Variants in SORCS2 observed in about 807,000 individuals in gnomAD.
The protein encoded by SORCS2 is VPS10 domain-containing receptor SorCS2.
SORCS2 carries 100 observed loss-of-function variants against 141.6 expected under a neutral mutation model. The ratio of observed to expected loss-of-function variants is 0.71; its 90% CI spans 0.60 to 0.83. SORCS2 has a LOEUF of 0.83. Ranked by LOEUF, SORCS2 falls within the 40% of genes least tolerant of loss-of-function variation. The pLI, the probability that SORCS2 is intolerant of heterozygous loss-of-function variation, is 0.00. For synonymous variants in SORCS2, 789 were observed against 676.9 expected (o/e 1.17, Z -2.57); for missense variants, 1,646 against 1,560.2 (o/e 1.05, Z -0.93).
intron 3 of SORCS2, among the ~76,000 whole-genome samples, chr4:7,606,354 A>G (rs1718062999): frequency 6.6e-6 from 1 of 152,092 alleles, no homozygotes; most frequent in African/African-American, 2.4e-5. Flanking sequence ...TTAAATACTT[A>G]TTCAACGATC....
At chr4:7,655,627 G>C (rs1011631804) in intron 5 of SORCS2, among the ~76,000 whole-genome samples, 12 of 152,242 alleles carry the variant, frequency 7.9e-5, no homozygotes, top group African/African-American at 2.9e-4. Context: ...ACGGCCGTCT[G>C]TCTGCGGATT....
chr4:7,439,254 C>T lies in SORCS2; in HGVS notation c.548+42899C>T, dbSNP rs1007822264. Among the ~76,000 whole-genome samples, 7 of 152,180 alleles carry T rather than the reference C, an allele frequency of 4.6e-5. No homozygotes were observed. In the South Asian group the frequency reaches 6.2e-4, roughly 14 times the overall value. ...TCATCCATCCATCTTCACAAGACTA[C>T]GAGTTCATACTGATACTTCCAACAC... On this transcript the variant is annotated intron_variant, in intron 2 of 26. Coordinates refer to ENST00000507866, the MANE Select transcript of SORCS2 (RefSeq NM_020777.3).
At chr4:7,470,137 A>G (rs1181496123) in intron 2 of SORCS2, among the ~76,000 whole-genome samples, 33 of 152,120 alleles carry the variant, frequency 2.2e-4, no homozygotes, top group Non-Finnish European at 1.5e-5. Flanking sequence ...GTCCAGGGTC[A>G]AACAGTGAGT....
intron 14 of SORCS2, among the ~76,000 whole-genome samples, chr4:7,707,679 C>T (rs1023905779): frequency 6.6e-6 from 1 of 152,224 alleles, no homozygotes; most frequent in Non-Finnish European, 1.5e-5. Flanking sequence ...ACTGGTTCTG[C>T]TGGCTTCACT....
chr4:7,544,002 A>ATCCACCCGTCCG (rs1560374030), intron 3 of SORCS2, among the ~76,000 whole-genome samples: 12 of 124,652 alleles, frequency 9.6e-5, no homozygotes, highest in East Asian at 4.9e-4. Context: ...CCACTCATCC[A>ATCCACCCGTCCG]TCCATCCATC....
intron 5 of SORCS2, among the ~76,000 whole-genome samples, chr4:7,654,756 C>T (rs534196677): frequency 6.6e-6 from 1 of 152,326 alleles, no homozygotes; most frequent in Admixed American, 6.5e-5. Context: ...CTACTGGGTG[C>T]CAATGAGCAG....
At chr4:7,419,266 A>G (rs1725888064) in intron 2 of SORCS2, among the ~76,000 whole-genome samples, 1 of 152,196 alleles carries the variant, frequency 6.6e-6, no homozygotes, top group Non-Finnish European at 1.5e-5. Context: ...GGAGACAGGC[A>G]GTTCCATAGG....
intron 1 of SORCS2, among the ~76,000 whole-genome samples, chr4:7,267,601 C>T (rs1467515213): frequency 6.6e-6 from 1 of 152,186 alleles, no homozygotes; most frequent in Non-Finnish European, 1.5e-5. Context: ...GAGGCTGAGG[C>T]AGGCAGATCA....
intron 3 of SORCS2, among the ~76,000 whole-genome samples, chr4:7,595,841 G>A (rs1717239602): frequency 6.6e-6 from 1 of 152,132 alleles, no homozygotes; most frequent in Non-Finnish European, 1.5e-5. Flanking sequence ...TAGGCACCAG[G>A]CACCGTCACC....
chr4:7,339,314 C>A (rs138343511), intron 1 of SORCS2, among the ~76,000 whole-genome samples: 2 of 152,330 alleles, frequency 1.3e-5, no homozygotes, highest in East Asian at 3.9e-4. Context: ...AGGATGTGCA[C>A]AGGAAGGAGG....
At chr4:7,501,583 G>A (rs2109431043) in intron 2 of SORCS2, among the ~76,000 whole-genome samples, 1 of 152,314 alleles carries the variant, frequency 6.6e-6, no homozygotes, top group South Asian at 2.1e-4. Flanking sequence ...ACATCAAACT[G>A]AACCCTGGCA....
intron 2 of SORCS2, among the ~76,000 whole-genome samples, chr4:7,417,762 T>C (rs1396864745): frequency 6.6e-6 from 1 of 152,164 alleles, no homozygotes; most frequent in Non-Finnish European, 1.5e-5. Context: ...CTGCAGAAGA[T>C]GCAGAGAGCT....
At chr4:7,401,202 TATGG>T (rs1375886797) in intron 2 of SORCS2, among the ~76,000 whole-genome samples, 1 of 127,378 alleles carries the variant, frequency 7.9e-6, no homozygotes, top group Non-Finnish European at 1.7e-5. Context: ...TAGATGGATA[TATGG>T]ATGGATGGGT....
intron 23 of SORCS2, among the ~76,000 whole-genome samples, chr4:7,733,066 C>A (rs1368960387): frequency 4.0e-5 from 6 of 149,252 alleles, no homozygotes; most frequent in East Asian, 2.0e-4. Context: ...TCCCAGCAGA[C>A]CTTGCTCCCC....
chr4:7,694,224 C>A (rs11730556), intron 11 of SORCS2, among the ~76,000 whole-genome samples: 3,591 of 152,016 alleles, frequency 0.024, 147 homozygotes, highest in African/African-American at 0.082. Context: ...GGCAGGGGTC[C>A]TGGGCCTGAG....
At chr4:7,546,385 G>A (rs2109613322) in intron 3 of SORCS2, among the ~76,000 whole-genome samples, 1 of 152,272 alleles carries the variant, frequency 6.6e-6, no homozygotes, top group South Asian at 2.1e-4. Context: ...GAGGCCTGCT[G>A]TGGGAGGGCT....
At position 7,274,982 on chromosome 4, in the gene SORCS2, A is replaced by G. The variant is rs115720265; in HGVS notation, c.480+81856A>G. 2.1e-3 allele frequency among the ~76,000 whole-genome samples: 319 copies of G among 152,286 alleles called. 1 individual carries two copies. The highest frequency in any genetic ancestry group is 7.3e-3 in the African/African-American group (304 of 41,554). The stretch of plus-strand genomic sequence containing the variant: ...TGGGGTTGTCCGTGTGTTTAACAAG[A>G]TGATGGGTGTATCAGCACCTGGGCT... On this transcript the variant is annotated intron_variant, in intron 1 of 26. Coordinates refer to ENST00000507866, the MANE Select transcript of SORCS2 (RefSeq NM_020777.3).
At chr4:7,472,122 C>T (rs1730015080) in intron 2 of SORCS2, among the ~76,000 whole-genome samples, 1 of 152,242 alleles carries the variant, frequency 6.6e-6, no homozygotes, top group Non-Finnish European at 1.5e-5. Context: ...CAGGAGTGCT[C>T]TGTGCTGTTA....
In SORCS2 at chr4:7,689,605, A is replaced by T; in HGVS notation, c.1591+17A>T. ...TGGGTGCAGGTAGGTGGCTTCCATC[A>T]CAGGTGGCTGGCAGGTGCCATTACA... On this transcript the variant is annotated intron_variant, in intron 11 of 26. Coordinates refer to ENST00000507866, the MANE Select transcript of SORCS2 (RefSeq NM_020777.3). The T allele has an allele frequency of 6.4e-7, 1 of 1,563,388 alleles. No homozygotes were observed. Among genetic ancestry groups the T allele is most frequent in the Non-Finnish European group, 8.7e-7 (1 of 1,154,140 alleles).
Sources: allele counts gnomAD v4.1 joint callset (sites outside exome capture counted in the v4.1 genomes callset), GRCh38; gene constraint gnomAD v4.1.1; transcripts MANE v1.5; gene names NCBI Gene and HGNC (gene_info 2026-07-23, HGNC 2026-07-21).